The following MOCOS variants were observed in gnomAD, a reference collection of about 807,000 sequenced individuals.
MOCOS encodes the protein human molybdenum cofactor sulfurase.
A neutral mutation model predicts 83.6 loss-of-function variants in MOCOS; 86 were observed. That is an observed-to-expected ratio of 1.03 (90% CI 0.86 to 1.23). The LOEUF is 1.23. Ranked by LOEUF, MOCOS falls within the 50% of genes most tolerant of loss-of-function variation. MOCOS has a pLI of 0.00. For synonymous variants in MOCOS, 445 were observed against 434.7 expected, an observed-to-expected ratio of 1.02 and a Z score of -0.29; for missense variants, 1,120 against 1,126.9, an observed-to-expected ratio of 0.99 and a Z score of 0.09.
rs72884250 is a variant in MOCOS, at chr18:36,265,215, T to C, written c.2410-1534T>C. Among the ~76,000 whole-genome samples, 664 of 152,318 alleles carry C rather than the reference T, an allele frequency of 4.4e-3. 8 individuals carry two copies. Among genetic ancestry groups the C allele is most frequent in the Non-Finnish European group, 6.6e-3 (450 of 68,036 alleles). ...TCTAGTGATAAACCCTGTCTAGAAA[T>C]ACGTGCATACATGCAAGACATGGAT... On this transcript the variant is annotated intron_variant, in intron 13 of 14. Transcript: ENST00000261326.
chr18:36,236,927 T>C (rs2144938562), intron 9 of MOCOS, among the ~76,000 whole-genome samples: 1 of 152,272 alleles, frequency 6.6e-6, no homozygotes, highest in East Asian at 1.9e-4. Context: ...GATTTGGCTC[T>C]CTGTTTTTCT....
intron 9 of MOCOS, among the ~76,000 whole-genome samples, chr18:36,248,212 T>A (rs1234558610): frequency 6.6e-6 from 1 of 151,554 alleles, no homozygotes; most frequent in Non-Finnish European, 1.5e-5. Context: ...TGTTGAACAT[T>A]AAAAAAAAAT....
intron 6 of MOCOS, among the ~76,000 whole-genome samples, chr18:36,206,998 A>G (rs1290556754): frequency 1.3e-5 from 2 of 152,180 alleles, no homozygotes; most frequent in Non-Finnish European, 1.5e-5. Flanking sequence ...GGTATATACC[A>G]GTAATTTAAT....
At chr18:36,195,376 G>A (rs2144896202) in intron 2 of MOCOS, 30 bp downstream of exon 2, 1 of 1,553,292 alleles carries the variant, frequency 6.4e-7, no homozygotes, top group Non-Finnish European at 8.9e-7. Context: ...ACAGGTTTTA[G>A]TCAACTACAT....
intron 11 of MOCOS, 116 bp from the exon 12 acceptor site, chr18:36,256,852 T>C (rs1019054490): frequency 4.3e-6 from 4 of 926,280 alleles, no homozygotes; most frequent in Non-Finnish European, 7.1e-6. Flanking sequence ...AGGACATCAC[T>C]TTTTTTCCCT....
At chr18:36,247,051 G>T (rs528509214) in intron 9 of MOCOS, among the ~76,000 whole-genome samples, 55 of 152,116 alleles carry the variant, frequency 3.6e-4, no homozygotes, top group African/African-American at 1.3e-3. Flanking sequence ...GGGGGTGGGG[G>T]GCTGGTTCTT....
chr18:36,190,893 C>T (rs901671612), intron 1 of MOCOS, among the ~76,000 whole-genome samples: 3 of 151,670 alleles, frequency 2.0e-5, no homozygotes, highest in East Asian at 3.9e-4. Flanking sequence ...AAAAATTAGC[C>T]CGGTGTGGTG....
chr18:36,235,991 T>C (rs1408170012), intron 9 of MOCOS, among the ~76,000 whole-genome samples: 1 of 150,050 alleles, frequency 6.7e-6, no homozygotes. Flanking sequence ...TGTTTTTTTC[T>C]TGTAAATTTG....
chr18:36,251,049 C>T lies in MOCOS; in HGVS notation c.2040-110C>T, dbSNP rs534352253. 39 of 1,342,448 alleles carry T rather than the reference C, an allele frequency of 2.9e-5. 2 individuals are homozygous for T. The South Asian group carries it at 4.7e-4, about 16-fold the overall frequency. 83.2% of individuals were successfully genotyped at this position (1,342,448 alleles called of 1,614,324 possible). ...GTCACTTCAGGCTGCCTTCAGGGCT[C>T]ATGCAATGTTTTGTTTTATTTTATT... On this transcript the variant is annotated intron_variant, in intron 10 of 14. Coordinates refer to ENST00000261326, the MANE Select transcript of MOCOS (RefSeq NM_017947.4).
chr18:36,209,431 T>C (rs59038625), intron 6 of MOCOS, among the ~76,000 whole-genome samples: 8,833 of 152,200 alleles, frequency 0.058, 292 homozygotes, highest in East Asian at 0.097. Flanking sequence ...TTTTGGTGCA[T>C]CCGTCACTTA....
chr18:36,248,535 G>T (rs2091610669), intron 9 of MOCOS, among the ~76,000 whole-genome samples: 2 of 152,188 alleles, frequency 1.3e-5, no homozygotes, highest in South Asian at 4.1e-4. Context: ...TCTTGAAGCA[G>T]TTCCCCAATG....
chr18:36,203,487 T>C (rs1296939833), intron 5 of MOCOS, among the ~76,000 whole-genome samples: 1 of 152,218 alleles, frequency 6.6e-6, no homozygotes, highest in Non-Finnish European at 1.5e-5. Flanking sequence ...GTCCTGGGAA[T>C]GGTTACAGAT....
chr18:36,245,081 C>T (rs2091597766), intron 9 of MOCOS, among the ~76,000 whole-genome samples: 1 of 152,090 alleles, frequency 6.6e-6, no homozygotes, highest in Non-Finnish European at 1.5e-5. Context: ...ATCCATTCTG[C>T]CATTCTGCCT....
intron 6 of MOCOS, among the ~76,000 whole-genome samples, chr18:36,212,506 T>C (rs541211670): frequency 6.6e-6 from 1 of 152,242 alleles, no homozygotes; most frequent in African/African-American, 2.4e-5. Context: ...AACTCCTGAA[T>C]TCACTAGCAG....
chr18:36,200,876 C>A (rs2091411183), intron 4 of MOCOS, among the ~76,000 whole-genome samples: 1 of 152,208 alleles, frequency 6.6e-6, no homozygotes, highest in Non-Finnish European at 1.5e-5. Context: ...TCTATGAGCC[C>A]CACTGTGAGT....
At chr18:36,219,193 A>T (rs74355930) in intron 8 of MOCOS, among the ~76,000 whole-genome samples, 4,190 of 57,022 alleles carry the variant, frequency 0.073, 131 homozygotes, top group East Asian at 0.39. Context: ...ATTTTATTTT[A>T]TTTTTTTTTT....
At chr18:36,218,837 T>TTTTTTTTATTTA (rs1555652671) in intron 8 of MOCOS, among the ~76,000 whole-genome samples, 4 of 133,928 alleles carry the variant, frequency 3.0e-5, no homozygotes, top group African/African-American at 8.5e-5. Context: ...CTTTATTTTA[T>TTTTTTTTATTTA]TTTATTTATT....
chr18:36,257,134 C>A, intron 12 of MOCOS, 61 bp downstream of exon 12: 1 of 1,388,286 alleles, frequency 7.2e-7, no homozygotes, highest in Non-Finnish European at 1.0e-6. Context: ...GGGAGCAGGG[C>A]CTGGCACCTG....
Position 36,199,806 on chromosome 18 carries a change from T to G in MOCOS, c.423T>G (p.Ser141Arg), listed in dbSNP as rs2091404323. The change falls in exon 4 of 15, where the codon AGT (serine) becomes AGG (arginine). Residue 141 changes from serine (S) to arginine (R), a missense_variant. Transcript: ENST00000261326. The stretch of plus-strand genomic sequence containing the variant: ...GGGTGTCCCAGGGCCCAGAGAGCAG[T>G]GGGAGTCGCTTCTGTTACCTCACCG... ...FPWVSQGPES[S>R]GSRFCYLTDS... 1 of 1,613,856 alleles carries G rather than the reference T, an allele frequency of 6.2e-7. No individual in the cohort carries two copies. Among genetic ancestry groups the G allele is most frequent in the African/African-American group, 1.3e-5 (1 of 74,848 alleles).
Sources: allele counts gnomAD v4.1 joint callset (sites outside exome capture counted in the v4.1 genomes callset), GRCh38; gene constraint gnomAD v4.1.1; transcripts MANE v1.5; gene names NCBI Gene and HGNC (gene_info 2026-07-23, HGNC 2026-07-21).